Variants in TAS2R1 observed in about 807,000 individuals in gnomAD.
TAS2R1 encodes the protein taste receptor type 2 member 1.
For missense variants in TAS2R1, 370 were observed against 353.4 expected (o/e 1.05, Z -0.38); for synonymous variants, 141 against 134.2 (o/e 1.05, Z -0.35).
At chr5:9,792,336 A>G in the TAS2R1 span, among the ~76,000 whole-genome samples, 3 of 152,230 alleles carry the variant, frequency 2.0e-5, no homozygotes, top group Non-Finnish European at 4.4e-5. Context: ...TTAGGTTGTC[A>G]TGGTCATAAA....
At chr5:9,860,130 G>A in the TAS2R1 span, among the ~76,000 whole-genome samples, 5 of 152,174 alleles carry the variant, frequency 3.3e-5, no homozygotes, top group East Asian at 1.9e-4. Flanking sequence ...AAAGTAACAC[G>A]AAGAAGAAAT....
chr5:9,839,719 A>G, the TAS2R1 span, among the ~76,000 whole-genome samples: 12 of 152,166 alleles, frequency 7.9e-5, no homozygotes, highest in Admixed American at 2.6e-4. Flanking sequence ...ACAGACGGGT[A>G]GTTTTTGCAT....
the TAS2R1 span, among the ~76,000 whole-genome samples, chr5:9,719,263 AAGAG>A: frequency 0.02 from 3,112 of 152,328 alleles, 97 homozygotes; most frequent in African/African-American, 0.068. Context: ...TACACAGAGA[AAGAG>A]AGAGAGATTG....
upstream of TAS2R1, among the ~76,000 whole-genome samples, chr5:9,716,720 G>C (rs1268053257): frequency 6.6e-6 from 1 of 151,998 alleles, no homozygotes; most frequent in Non-Finnish European, 1.5e-5. Flanking sequence ...TCTTTGTACT[G>C]TAATCTATGA....
intron 1 of TAS2R1, among the ~76,000 whole-genome samples, chr5:9,680,428 A>T (rs1184595952): frequency 6.6e-6 from 1 of 152,174 alleles, no homozygotes; most frequent in Non-Finnish European, 1.5e-5. Context: ...CGAAAGGAAG[A>T]AAAAAAGAAT....
chr5:9,804,097 T>A, the TAS2R1 span, among the ~76,000 whole-genome samples: 1 of 152,162 alleles, frequency 6.6e-6, no homozygotes, highest in Admixed American at 6.5e-5. Context: ...ACTATTCTTA[T>A]ATCAGATAAA....
At chr5:9,810,269 C>G in the TAS2R1 span, among the ~76,000 whole-genome samples, 2 of 152,184 alleles carry the variant, frequency 1.3e-5, no homozygotes, top group African/African-American at 4.8e-5. Flanking sequence ...TACTTGACCT[C>G]GCATTAGCAT....
In TAS2R1 at chr5:9,668,837, TA is replaced by T. The variant is rs1180127897; in HGVS notation, c.-241-9257del. Among the ~76,000 whole-genome samples the T allele has an allele frequency of 6.1e-5, 9 of 148,398 alleles. No homozygotes were observed. In the South Asian group the frequency reaches 6.5e-4, roughly 11 times the overall value. ...TAAGTACAAAGACCATCAGCACTAT[TA>T]AAAAAAAAACCACACAATCAAGTCT... On this transcript the variant is annotated intron_variant, in intron 1 of 2. Coordinates refer to the TAS2R1 transcript ENST00000506620.
chr5:9,700,440 C>T (rs1024619279), intron 1 of TAS2R1, among the ~76,000 whole-genome samples: 3 of 152,184 alleles, frequency 2.0e-5, no homozygotes, highest in Non-Finnish European at 4.4e-5. Flanking sequence ...AGGTGCCCTT[C>T]ACTATCCTTG....
At chr5:9,747,209 T>C in the TAS2R1 span, among the ~76,000 whole-genome samples, 1 of 152,136 alleles carries the variant, frequency 6.6e-6, no homozygotes, top group Admixed American at 6.6e-5. Flanking sequence ...ATGGATATCA[T>C]TAGGAACCTG....
upstream of TAS2R1, among the ~76,000 whole-genome samples, chr5:9,634,662 C>T (rs183456790): frequency 4.3e-4 from 65 of 152,040 alleles, no homozygotes; most frequent in Non-Finnish European, 3.4e-4. Flanking sequence ...GATCTTTCAC[C>T]TCCTTGGTTA....
chr5:9,730,994 C>G, the TAS2R1 span, among the ~76,000 whole-genome samples: 1 of 152,068 alleles, frequency 6.6e-6, no homozygotes, highest in Non-Finnish European at 1.5e-5. Flanking sequence ...TATAAATCAC[C>G]CAGTTTCAGG....
chr5:9,697,426 T>G (rs971952619), intron 1 of TAS2R1, among the ~76,000 whole-genome samples: 8 of 151,908 alleles, frequency 5.3e-5, no homozygotes, highest in African/African-American at 1.9e-4. Flanking sequence ...AGTTACCCAG[T>G]TCATTTTATC....
chr5:9,744,926 G>A, the TAS2R1 span, among the ~76,000 whole-genome samples: 18 of 152,278 alleles, frequency 1.2e-4, no homozygotes, highest in Non-Finnish European at 1.6e-4. Context: ...CCTGTTCAAA[G>A]TTTAAAACAT....
chr5:9,808,333 T>G, the TAS2R1 span, among the ~76,000 whole-genome samples: 1 of 152,146 alleles, frequency 6.6e-6, no homozygotes, highest in Non-Finnish European at 1.5e-5. Flanking sequence ...TGTTCATAAA[T>G]GAAGTTAGCT....
chr5:9,764,281 T>A, the TAS2R1 span, among the ~76,000 whole-genome samples: 2 of 152,318 alleles, frequency 1.3e-5, no homozygotes, highest in Admixed American at 1.3e-4. Context: ...CCACCCTATG[T>A]AGCTTCGGAT....
chr5:9,791,647 T>G, the TAS2R1 span, among the ~76,000 whole-genome samples: 1 of 152,088 alleles, frequency 6.6e-6, no homozygotes, highest in Admixed American at 6.5e-5. Context: ...TGCAGTGAGC[T>G]GAGATCATGC....
the TAS2R1 span, among the ~76,000 whole-genome samples, chr5:9,799,708 C>T: frequency 2.6e-5 from 4 of 152,190 alleles, no homozygotes; most frequent in African/African-American, 9.7e-5. Flanking sequence ...AAGAAAGAAA[C>T]ATCTCCTGGC....
At chr5:9,857,902 C>T in the TAS2R1 span, among the ~76,000 whole-genome samples, 1 of 152,116 alleles carries the variant, frequency 6.6e-6, no homozygotes, top group Non-Finnish European at 1.5e-5. Flanking sequence ...AGCAGGCTGG[C>T]CTGTTTCTTG....
Sources: allele counts gnomAD v4.1 joint callset (sites outside exome capture counted in the v4.1 genomes callset), GRCh38; gene constraint gnomAD v4.1.1; transcripts MANE v1.5; gene names NCBI Gene and HGNC (gene_info 2026-07-23, HGNC 2026-07-21).